The following KCNK9 variants were observed in gnomAD, a reference collection of about 807,000 sequenced individuals.
KCNK9 encodes the protein potassium two pore domain channel subfamily K member 9.
Under a neutral mutation model 10.8 loss-of-function variants are expected in KCNK9, and 1 was observed. The observed-to-expected ratio is 0.09, with a 90% CI of 0.03 to 0.44. KCNK9 has a LOEUF of 0.44. Ranked by LOEUF, KCNK9 falls within the 20% of genes least tolerant of loss-of-function variation. The pLI, the probability that KCNK9 is intolerant of heterozygous loss-of-function variation, is 0.97. For missense variants in KCNK9, 303 were observed against 515.0 expected (o/e 0.59, Z 3.98); for synonymous variants, 231 against 222.7 (o/e 1.04, Z -0.33).
At chr8:139,609,388 T>C (rs1814348733), downstream of KCNK9, among the ~76,000 whole-genome samples, 1 of 152,190 alleles carries the variant, frequency 6.6e-6, no homozygotes, top group African/African-American at 2.4e-5. Context: ...GGCCCTTTGC[T>C]GGGCCAAGTG....
At chr8:139,631,030 C>G (rs1398071623) in intron 1 of KCNK9, among the ~76,000 whole-genome samples, 1 of 152,230 alleles carries the variant, frequency 6.6e-6, no homozygotes, top group Non-Finnish European at 1.5e-5. Flanking sequence ...CGCCGGCCAC[C>G]GGAGAGGCAA....
intron 2 of KCNK9, among the ~76,000 whole-genome samples, chr8:139,605,270 G>A (rs1817460696): frequency 6.6e-6 from 1 of 152,226 alleles, no homozygotes; most frequent in African/African-American, 2.4e-5. Flanking sequence ...GTTCAGTTGA[G>A]GTCAAACTCT....
At chr8:139,647,113 G>C (rs1255927189) in intron 1 of KCNK9, among the ~76,000 whole-genome samples, 2 of 152,358 alleles carry the variant, frequency 1.3e-5, no homozygotes, top group African/African-American at 2.4e-5. Context: ...GAAGGCAGGA[G>C]CAGAGAGGCT....
chr8:139,670,430 TA>T (rs1816400896), intron 1 of KCNK9, among the ~76,000 whole-genome samples: 1 of 151,642 alleles, frequency 6.6e-6, no homozygotes, highest in Non-Finnish European at 1.5e-5. Flanking sequence ...AAAATAAAAA[TA>T]AAAAAAGCAG....
intron 1 of KCNK9, among the ~76,000 whole-genome samples, chr8:139,659,886 G>A (rs1380802153): frequency 6.6e-6 from 1 of 151,892 alleles, no homozygotes; most frequent in African/African-American, 2.4e-5. Context: ...GTGCAAGAAA[G>A]GGGAGATAAG....
At chr8:139,632,485 A>G (rs1815203889) in intron 1 of KCNK9, among the ~76,000 whole-genome samples, 1 of 152,228 alleles carries the variant, frequency 6.6e-6, no homozygotes, top group Admixed American at 6.5e-5. Context: ...GTCTACCCAC[A>G]TATGTGACCT....
At chr8:139,672,759 A>G (rs373958836) in intron 1 of KCNK9, among the ~76,000 whole-genome samples, 10 of 152,262 alleles carry the variant, frequency 6.6e-5, no homozygotes, top group East Asian at 5.8e-4. Context: ...CAGGAGCCGC[A>G]TGGGAAGGAG....
At chr8:139,690,730 A>G (rs1018684711) in intron 1 of KCNK9, among the ~76,000 whole-genome samples, 1 of 152,148 alleles carries the variant, frequency 6.6e-6, no homozygotes, top group African/African-American at 2.4e-5. Flanking sequence ...GACCACATCA[A>G]GCTTGAGGAG....
intron 1 of KCNK9, among the ~76,000 whole-genome samples, chr8:139,652,463 G>C (rs1305035079): frequency 6.6e-6 from 1 of 152,086 alleles, no homozygotes; most frequent in East Asian, 1.9e-4. Context: ...GCACATATAG[G>C]GGGCTGTGGA....
chr8:139,608,144 C>T (rs1023574890), downstream of KCNK9, among the ~76,000 whole-genome samples: 3 of 152,196 alleles, frequency 2.0e-5, no homozygotes, highest in African/African-American at 7.2e-5. Flanking sequence ...ACTGACTCAC[C>T]CTTCTGTCTT....
intron 1 of KCNK9, among the ~76,000 whole-genome samples, chr8:139,687,307 T>C (rs1003412073): frequency 1.3e-5 from 2 of 149,042 alleles, no homozygotes; most frequent in African/African-American, 4.9e-5. Flanking sequence ...TTTTGTTTGG[T>C]TTTTCTTAAG....
At chr8:139,609,111 A>G (rs1366383469), downstream of KCNK9, among the ~76,000 whole-genome samples, 2 of 67,234 alleles carry the variant, frequency 3.0e-5, no homozygotes, top group African/African-American at 1.2e-4. Context: ...ATCCCACCCC[A>G]CCCCGCCCCG....
At chr8:139,673,654 G>T (rs1816487045) in intron 1 of KCNK9, among the ~76,000 whole-genome samples, 1 of 151,750 alleles carries the variant, frequency 6.6e-6, no homozygotes. Flanking sequence ...AAGAAAATGT[G>T]AGCAAAATGT....
intron 2 of KCNK9, among the ~76,000 whole-genome samples, chr8:139,603,305 G>A (rs1266111299): frequency 1.3e-5 from 2 of 152,180 alleles, no homozygotes; most frequent in African/African-American, 2.4e-5. Flanking sequence ...CCAGCAGCAG[G>A]GGTGTGGCGG....
chr8:139,664,564 C>G (rs1002952915), intron 1 of KCNK9, among the ~76,000 whole-genome samples: 3 of 152,208 alleles, frequency 2.0e-5, no homozygotes, highest in African/African-American at 7.2e-5. Flanking sequence ...CCAGAAGACG[C>G]TTAGCCACCA....
At chr8:139,656,344 A>T (rs1445488187) in intron 1 of KCNK9, among the ~76,000 whole-genome samples, 1 of 152,108 alleles carries the variant, frequency 6.6e-6, no homozygotes, top group East Asian at 1.9e-4. Flanking sequence ...TCCAGCCCAC[A>T]TGCACCTGAG....
chr8:139,620,140 C>A (rs976715239), intron 1 of KCNK9, among the ~76,000 whole-genome samples: 1 of 152,212 alleles, frequency 6.6e-6, no homozygotes, highest in Non-Finnish European at 1.5e-5. Flanking sequence ...AGGATGGGAT[C>A]TTCCCAATAT....
At position 139,618,289 on chromosome 8, in the gene KCNK9, T is replaced by C. The variant is rs749441401; in HGVS notation, c.1094A>G (p.Gln365Arg). Residue 365 changes from glutamine (Q) to arginine (R), a missense_variant, in exon 2 of 2, where the codon CAG (glutamine) becomes CGG (arginine). Coordinates refer to ENST00000520439, the MANE Select transcript of KCNK9 (RefSeq NM_001282534.2). The surrounding 1 kb of genome is among the most constrained non-coding windows in gnomAD (Gnocchi z 7.9). The stretch of plus-strand genomic sequence containing the variant: ...GGACTTCCGGCGTTTCATCAGCCTC[T>C]GGTGGTCGGTAAAGCTGTGTAACCC... Reference protein sequence around the residue: ...SPGLHSFTDHQRLMKRRKSV With the variant: ...SPGLHSFTDHRRLMKRRKSV 3 of 1,614,020 alleles carry C rather than the reference T, an allele frequency of 1.9e-6. No individual in the cohort carries two copies. Among genetic ancestry groups the C allele is most frequent in the Non-Finnish European group, 2.5e-6 (3 of 1,180,030 alleles).
At chr8:139,691,349 G>A (rs1302497954) in intron 1 of KCNK9, among the ~76,000 whole-genome samples, 1 of 152,198 alleles carries the variant, frequency 6.6e-6, no homozygotes, top group Non-Finnish European at 1.5e-5. Context: ...GCCACCTGAA[G>A]ACCACTAGGA....
Sources: allele counts gnomAD v4.1 joint callset (sites outside exome capture counted in the v4.1 genomes callset), GRCh38; gene constraint gnomAD v4.1.1; non-coding constraint Gnocchi (gnomAD v3.1); transcripts MANE v1.5; gene names NCBI Gene and HGNC (gene_info 2026-07-23, HGNC 2026-07-21).